Variants in ARF4 observed in about 807,000 individuals in gnomAD.
ARF4 encodes the protein ADP-ribosylation factor 4.
A neutral mutation model predicts 24.3 loss-of-function variants in ARF4; 5 were observed. The ratio of observed to expected loss-of-function variants is 0.21; its 90% CI spans 0.11 to 0.43. The LOEUF is 0.43. Among genes scored for constraint, ARF4 ranks in the 20% least tolerant of loss-of-function variants. ARF4 has a pLI of 1.00. For missense variants in ARF4, 107 were observed against 213.0 expected (o/e 0.50, Z 3.10); for synonymous variants, 62 against 73.5 (o/e 0.84, Z 0.80).
chr3:57,587,624 T>TGA (rs2070055415), intron 1 of ARF4, among the ~76,000 whole-genome samples: 2 of 152,186 alleles, frequency 1.3e-5, no homozygotes, highest in South Asian at 4.1e-4. Flanking sequence ...TTACATTTCC[T>TGA]GATGTATCTT....
chr3:57,581,122 G>T (rs1484108357), intron 3 of ARF4, among the ~76,000 whole-genome samples: 1 of 152,174 alleles, frequency 6.6e-6, no homozygotes, highest in Non-Finnish European at 1.5e-5. Flanking sequence ...AAATTAGTTG[G>T]AATTATAAGA....
In ARF4 at chr3:57,572,133, C is replaced by A; in HGVS notation, c.*79G>T. 3 of 1,137,512 alleles carry A rather than the reference C, an allele frequency of 2.6e-6. No individual in the cohort carries two copies. Among genetic ancestry groups the A allele is most frequent in the Non-Finnish European group, 4.0e-6 (3 of 751,520 alleles). The allele number at this position is 1,137,512 out of a possible 1,614,324, so 70.5% of individuals were successfully genotyped here. A position where few individuals can be genotyped will look rare whatever the true frequency, so the allele number is the denominator to read the frequency against. Reference sequence around the variant, plus strand: ...CCAGTCCCAGATACTGTTTAATAACCAAGATACAAACTAATTTTGTTGTAA... The same window carrying A: ...CCAGTCCCAGATACTGTTTAATAACAAAGATACAAACTAATTTTGTTGTAA... On this transcript the variant is annotated 3_prime_UTR_variant, in exon 6 of 6. Coordinates refer to ENST00000303436, the MANE Select transcript of ARF4 (RefSeq NM_001660.4).
At chr3:57,584,104 T>A in intron 2 of ARF4, 97 bp from the exon 3 acceptor site, 1 of 849,844 alleles carries the variant, frequency 1.2e-6, no homozygotes, top group Non-Finnish European at 1.9e-6. Context: ...TTAAAGTACT[T>A]CTTTTTATTT....
chr3:57,594,627 T>C (rs1426969307), intron 1 of ARF4, among the ~76,000 whole-genome samples: 2 of 152,226 alleles, frequency 1.3e-5, no homozygotes, highest in African/African-American at 2.4e-5. Context: ...CCATAGTAGT[T>C]TGGCAAACCT....
intron 4 of ARF4, 33 bp downstream of exon 4, chr3:57,577,283 T>C (rs781536450): frequency 1.0e-5 from 16 of 1,573,190 alleles, no homozygotes; most frequent in Non-Finnish European, 1.4e-5. Context: ...AAAGCACACC[T>C]TGAAAATGAT....
chr3:57,578,895 G>C (rs539025999), intron 3 of ARF4, among the ~76,000 whole-genome samples: 1 of 151,458 alleles, frequency 6.6e-6, no homozygotes, highest in African/African-American at 2.4e-5. Flanking sequence ...AGAAAAGGGG[G>C]GGGGCAAAAA....
At chr3:57,577,016 A>G (rs1241492925) in intron 4 of ARF4, among the ~76,000 whole-genome samples, 3 of 151,920 alleles carry the variant, frequency 2.0e-5, no homozygotes, top group Non-Finnish European at 4.4e-5. Flanking sequence ...AGATATCCTC[A>G]GCCAGAGATA....
At chr3:57,577,232 C>G (rs1428848078) in intron 4 of ARF4, 84 bp downstream of exon 4, 3 of 1,117,814 alleles carry the variant, frequency 2.7e-6, no homozygotes, top group Non-Finnish European at 2.7e-6. Context: ...GTAATCTAAT[C>G]ATAGTCAAAA....
At chr3:57,583,739 AG>A (rs1332983452) in intron 3 of ARF4, among the ~76,000 whole-genome samples, 158 bp downstream of exon 3, 48 of 152,310 alleles carry the variant, frequency 3.2e-4, no homozygotes, top group African/African-American at 1.1e-3. Context: ...TTAGCCTTCA[AG>A]GCCTAAGTGA....
intron 1 of ARF4, among the ~76,000 whole-genome samples, chr3:57,596,187 A>G (rs546795929): frequency 2.8e-4 from 42 of 152,330 alleles, no homozygotes; most frequent in Non-Finnish European, 4.3e-4. Context: ...GTAGTTTTTA[A>G]AAAGTCAACT....
chr3:57,580,449 T>G (rs1158781230), intron 3 of ARF4, among the ~76,000 whole-genome samples: 1 of 152,192 alleles, frequency 6.6e-6, no homozygotes. Flanking sequence ...TCCCCCAGGC[T>G]GGAGTACAGA....
At chr3:57,576,793 T>A (rs1211599718) in intron 4 of ARF4, among the ~76,000 whole-genome samples, 2 of 152,186 alleles carry the variant, frequency 1.3e-5, no homozygotes, top group South Asian at 4.1e-4. Flanking sequence ...AAAATGCCAC[T>A]GTGAACCAAA....
chr3:57,578,327 G>A (rs1172694177), intron 3 of ARF4, among the ~76,000 whole-genome samples: 2 of 151,532 alleles, frequency 1.3e-5, no homozygotes, highest in Admixed American at 1.3e-4. Context: ...AGCCAAGGCA[G>A]GAGGATCACT....
intron 1 of ARF4, among the ~76,000 whole-genome samples, chr3:57,585,549 G>A (rs558838147): frequency 6.6e-6 from 1 of 152,130 alleles, no homozygotes; most frequent in East Asian, 1.9e-4. Context: ...ACACCAACAT[G>A]GCACATGTAT....
intron 3 of ARF4, among the ~76,000 whole-genome samples, chr3:57,583,379 C>G (rs758694906): frequency 1.4e-4 from 22 of 152,276 alleles, no homozygotes; most frequent in Middle Eastern, 6.8e-3. Context: ...GTGCCACCCC[C>G]AAATTTGAGA....
chr3:57,596,320 A>C (rs76260042), intron 1 of ARF4, among the ~76,000 whole-genome samples: 5 of 152,340 alleles, frequency 3.3e-5, no homozygotes, highest in Non-Finnish European at 5.9e-5. Flanking sequence ...CGTTTCTAAA[A>C]TTTTTTTGCA....
intron 3 of ARF4, among the ~76,000 whole-genome samples, chr3:57,581,062 G>A (rs1443723834): frequency 6.6e-6 from 1 of 152,140 alleles, no homozygotes; most frequent in African/African-American, 2.4e-5. Flanking sequence ...GATAAGCCCA[G>A]CTGCTATGAA....
At chr3:57,573,601 A>G (rs1045670478) in intron 5 of ARF4, among the ~76,000 whole-genome samples, 1 of 152,150 alleles carries the variant, frequency 6.6e-6, no homozygotes, top group African/African-American at 2.4e-5. Flanking sequence ...GATTGTTTTG[A>G]GGCAGAGTAC....
At chr3:57,590,248 A>T (rs1186827245) in intron 1 of ARF4, among the ~76,000 whole-genome samples, 1 of 152,000 alleles carries the variant, frequency 6.6e-6, no homozygotes, top group Non-Finnish European at 1.5e-5. Context: ...GCACTTTGGG[A>T]GGCTGAGGTG....
Sources: allele counts gnomAD v4.1 joint callset (sites outside exome capture counted in the v4.1 genomes callset), GRCh38; gene constraint gnomAD v4.1.1; transcripts MANE v1.5; gene names NCBI Gene and HGNC (gene_info 2026-07-23, HGNC 2026-07-21).